Variants in LRFN5 observed in about 807,000 individuals in gnomAD.
LRFN5 encodes the protein leucine rich repeat and fibronectin type III domain containing 5.
In LRFN5, 24 loss-of-function variants were observed where a neutral mutation model predicts 45.6. The ratio of observed to expected loss-of-function variants is 0.53; its 90% CI spans 0.38 to 0.74. LRFN5 has a LOEUF of 0.74. Ranked by LOEUF, LRFN5 falls within the 30% of genes least tolerant of loss-of-function variation. LRFN5 has a pLI of 0.00. For missense variants in LRFN5, 776 were observed against 861.5 expected (o/e 0.90, Z 1.24); for synonymous variants, 340 against 313.8 (o/e 1.08, Z -0.88).
At chr14:41,786,359 T>C (rs1311421534) in intron 2 of LRFN5, among the ~76,000 whole-genome samples, 1 of 152,066 alleles carries the variant, frequency 6.6e-6, no homozygotes, top group Non-Finnish European at 1.5e-5. Flanking sequence ...GTAATTATTT[T>C]TCATATTTAG....
At chr14:41,781,630 GAAAGGAAA>G (rs1337745191) in intron 2 of LRFN5, among the ~76,000 whole-genome samples, 19 of 133,606 alleles carry the variant, frequency 1.4e-4, no homozygotes, top group African/African-American at 5.1e-4. Context: ...AAGAAAGAAA[GAAAGGAAA>G]GAAAGAAAGA....
At chr14:41,846,214 G>GACACAC (rs61090774) in intron 2 of LRFN5, among the ~76,000 whole-genome samples, 58,592 of 150,312 alleles carry the variant, frequency 0.39, 11,747 homozygotes, top group Non-Finnish European at 0.45. Context: ...TGTTTACACA[G>GACACAC]ACACACACAC....
chr14:41,703,178 T>C (rs561066349), intron 1 of LRFN5, among the ~76,000 whole-genome samples: 2 of 152,316 alleles, frequency 1.3e-5, no homozygotes, highest in Admixed American at 1.3e-4. Flanking sequence ...AATTAAACAA[T>C]TTAATTAATT....
chr14:41,764,721 C>G (rs1356843752), intron 1 of LRFN5, among the ~76,000 whole-genome samples: 2 of 151,860 alleles, frequency 1.3e-5, no homozygotes, highest in Non-Finnish European at 2.9e-5. Context: ...GCTGCACGGA[C>G]AATGAGGTGT....
At chr14:41,774,788 CAGAG>C (rs1437004083) in intron 2 of LRFN5, among the ~76,000 whole-genome samples, 1 of 152,106 alleles carries the variant, frequency 6.6e-6, no homozygotes, top group Non-Finnish European at 1.5e-5. Flanking sequence ...AAGATCATGA[CAGAG>C]AGGATACATA....
chr14:41,824,558 G>T (rs911188958), intron 2 of LRFN5, among the ~76,000 whole-genome samples: 1 of 152,182 alleles, frequency 6.6e-6, no homozygotes, highest in African/African-American at 2.4e-5. Context: ...TACACCCAGT[G>T]CTGTGCACTT....
chr14:41,879,205 C>T (rs778089958), intron 2 of LRFN5, among the ~76,000 whole-genome samples: 1 of 151,926 alleles, frequency 6.6e-6, no homozygotes, highest in Non-Finnish European at 1.5e-5. Flanking sequence ...AATAGGGTCA[C>T]CTCTTTGAAC....
intron 3 of LRFN5, among the ~76,000 whole-genome samples, chr14:41,888,447 TC>T (rs1890657771): frequency 6.6e-6 from 1 of 152,158 alleles, no homozygotes; most frequent in African/African-American, 2.4e-5. Flanking sequence ...ATTTTGAATA[TC>T]CTCAGTGGTG....
chr14:41,752,209 G>T (rs1051525479), intron 1 of LRFN5, among the ~76,000 whole-genome samples: 41 of 152,072 alleles, frequency 2.7e-4, no homozygotes, highest in African/African-American at 8.7e-4. Context: ...ATTTTGAGTA[G>T]TGCCACAATA....
intron 1 of LRFN5, chr14:41,731,877 T>C (rs1884194832): frequency 6.6e-6 from 1 of 152,168 alleles, no homozygotes; most frequent in Non-Finnish European, 1.5e-5. Context: ...AAAGGCAAGT[T>C]TGCTTGAAGA....
At chr14:41,823,833 A>G (rs1216448716) in intron 2 of LRFN5, among the ~76,000 whole-genome samples, 2 of 152,260 alleles carry the variant, frequency 1.3e-5, no homozygotes, top group East Asian at 1.9e-4. Flanking sequence ...AACACTTTAC[A>G]TGATTCTTTC....
chr14:41,890,793 G>A (rs1176297859), intron 3 of LRFN5, among the ~76,000 whole-genome samples: 1 of 151,772 alleles, frequency 6.6e-6, no homozygotes, highest in African/African-American at 2.4e-5. Context: ...TTTCTGAAAT[G>A]GAAAATAAAT....
At chr14:41,715,839 C>G (rs1883471130) in intron 1 of LRFN5, among the ~76,000 whole-genome samples, 1 of 152,190 alleles carries the variant, frequency 6.6e-6, no homozygotes, top group African/African-American at 2.4e-5. Context: ...AGTAGGGACT[C>G]TGTGTGGGGG....
At chr14:41,613,272 C>T (rs968211522) in intron 1 of LRFN5, among the ~76,000 whole-genome samples, 2 of 151,936 alleles carry the variant, frequency 1.3e-5, no homozygotes, top group African/African-American at 2.4e-5. Context: ...GGGCATATAC[C>T]CAGTAATGGG....
Position 41,698,474 on chromosome 14 carries a change from G to A in LRFN5, c.-196-68380G>A, listed in dbSNP as rs148715284. 8.8e-3 allele frequency among the ~76,000 whole-genome samples: 1,346 copies of A among 152,102 alleles called. 17 individuals are homozygous for A. The highest frequency in any genetic ancestry group is 0.03 in the African/African-American group (1,242 of 41,516). On this transcript the variant is annotated intron_variant, in intron 1 of 5. Coordinates refer to ENST00000298119, the MANE Select transcript of LRFN5 (RefSeq NM_152447.5). The stretch of plus-strand genomic sequence containing the variant: ...TTTGCATATTAGTATCATCTGGGGA[G>A]CCTTTAGAAATACCATTGCCTGGGC...
At chr14:41,664,308 G>A (rs1484007689) in intron 1 of LRFN5, among the ~76,000 whole-genome samples, 1 of 151,658 alleles carries the variant, frequency 6.6e-6, no homozygotes, top group Non-Finnish European at 1.5e-5. Flanking sequence ...GTTATAAGTG[G>A]TAACAGATGA....
At chr14:41,715,201 C>A (rs574124914) in intron 1 of LRFN5, among the ~76,000 whole-genome samples, 4 of 152,282 alleles carry the variant, frequency 2.6e-5, no homozygotes, top group Admixed American at 6.5e-5. Flanking sequence ...ATGCGTGAGA[C>A]TGCATTACCA....
intron 1 of LRFN5, among the ~76,000 whole-genome samples, chr14:41,752,896 T>C (rs1401625971): frequency 6.6e-6 from 1 of 152,238 alleles, no homozygotes. Context: ...TTTATGGTTT[T>C]AGGTTTAACA....
At chr14:41,655,187 C>T (rs568439491) in intron 1 of LRFN5, among the ~76,000 whole-genome samples, 5 of 152,072 alleles carry the variant, frequency 3.3e-5, no homozygotes, top group Admixed American at 3.3e-4. Flanking sequence ...AGACTCCCCT[C>T]CTCTCCAAAC....
Sources: allele counts gnomAD v4.1 joint callset (sites outside exome capture counted in the v4.1 genomes callset), GRCh38; gene constraint gnomAD v4.1.1; transcripts MANE v1.5; gene names NCBI Gene and HGNC (gene_info 2026-07-23, HGNC 2026-07-21).